The following GCNT2 variants were observed in gnomAD, a reference collection of about 807,000 sequenced individuals.
GCNT2 encodes the protein glucosaminyl (N-acetyl) transferase 2 (I blood group).
A neutral mutation model predicts 34.2 loss-of-function variants in GCNT2; 34 were observed. That is an observed-to-expected ratio of 1.00 (90% CI 0.76 to 1.32). GCNT2 has a LOEUF of 1.32. GCNT2 is among the 40% of genes most tolerant of loss of function. The pLI is 0.00. For missense variants in GCNT2, 584 were observed against 489.4 expected, an observed-to-expected ratio of 1.19 and a Z score of -1.82; for synonymous variants, 212 against 188.0, an observed-to-expected ratio of 1.13 and a Z score of -1.04.
chr6:10,589,425 T>C (rs2127417147), intron 3 of GCNT2, among the ~76,000 whole-genome samples: 1 of 151,986 alleles, frequency 6.6e-6, no homozygotes, highest in Admixed American at 6.6e-5. Flanking sequence ...GTGGTGTGGG[T>C]GTGTGCGTGT....
At chr6:10,586,307 C>CT (rs1764342005) in intron 3 of GCNT2, 1 of 1,614,062 alleles carries the variant, frequency 6.2e-7, no homozygotes, top group African/African-American at 1.3e-5. Flanking sequence ...TCCATAAGGA[C>CT]TTTGACACCT....
At chr6:10,525,547 G>T (rs1761143698) in intron 1 of GCNT2, among the ~76,000 whole-genome samples, 1 of 152,210 alleles carries the variant, frequency 6.6e-6, no homozygotes, top group South Asian at 2.1e-4. Context: ...GGGAAAGCTG[G>T]AGGGTCTGGA....
At chr6:10,559,719 A>AGAG (rs1333098721) in intron 3 of GCNT2, among the ~76,000 whole-genome samples, 1 of 152,218 alleles carries the variant, frequency 6.6e-6, no homozygotes, top group Admixed American at 6.5e-5. Context: ...AACTGCCTGG[A>AGAG]GAGGAAGGCC....
intron 3 of GCNT2, among the ~76,000 whole-genome samples, chr6:10,567,162 A>G (rs1763318189): frequency 6.6e-6 from 1 of 152,202 alleles, no homozygotes; most frequent in Admixed American, 6.5e-5. Context: ...CAACAAAAAA[A>G]TAATAAAATG....
At chr6:10,545,166 T>C (rs1196695018) in intron 3 of GCNT2, among the ~76,000 whole-genome samples, 1 of 151,986 alleles carries the variant, frequency 6.6e-6, no homozygotes. Flanking sequence ...CTCTTTCTAG[T>C]CTATATCCTT....
At chr6:10,575,418 A>G (rs1468178597) in intron 3 of GCNT2, among the ~76,000 whole-genome samples, 1 of 149,640 alleles carries the variant, frequency 6.7e-6, no homozygotes. Context: ...CTGGAGTGCA[A>G]TGGCGCGTTC....
intron 3 of GCNT2, among the ~76,000 whole-genome samples, chr6:10,587,156 A>T (rs149194835): frequency 6.6e-6 from 1 of 152,234 alleles, no homozygotes; most frequent in African/African-American, 2.4e-5. Context: ...ATAGTTGCTG[A>T]ATTTTAACTG....
In GCNT2 at chr6:10,562,678, CAAAAA is replaced by C. The variant is rs970544728; in HGVS notation, c.925+32847_925+32851del. 5.3e-3 allele frequency among the ~76,000 whole-genome samples: 562 copies of C among 105,054 alleles called. 3 individuals carry two copies. The highest frequency in any genetic ancestry group is 0.029 in the Middle Eastern group (5 of 174). 68.9% of individuals were successfully genotyped at this position (105,054 alleles called of 152,430 possible). A position where few individuals can be genotyped will look rare whatever the true frequency, so the allele number is the denominator to read the frequency against. ...TCTGAAAAAAAAAAAAAAAAAAAAA[CAAAAA>C]AAAACCCACAAAAACAAATTCCTAT... On this transcript the variant is annotated intron_variant, in intron 3 of 4. Transcript: ENST00000495262.
chr6:10,565,604 A>C (rs1763239956), intron 3 of GCNT2, among the ~76,000 whole-genome samples: 1 of 152,194 alleles, frequency 6.6e-6, no homozygotes, highest in African/African-American at 2.4e-5. Context: ...GTTTCTTTGC[A>C]GTCAGCTTCT....
At chr6:10,541,133 G>A (rs549164247) in intron 3 of GCNT2, among the ~76,000 whole-genome samples, 2 of 152,242 alleles carry the variant, frequency 1.3e-5, no homozygotes, top group Non-Finnish European at 2.9e-5. Context: ...TAAGCCCAGC[G>A]TCTCTATTAG....
At chr6:10,560,158 G>A (rs552043012) in intron 3 of GCNT2, among the ~76,000 whole-genome samples, 1 of 152,126 alleles carries the variant, frequency 6.6e-6, no homozygotes, top group African/African-American at 2.4e-5. Flanking sequence ...GTGCGATCTC[G>A]GCTTACTGCA....
At chr6:10,539,160 A>G (rs1407061355) in intron 3 of GCNT2, among the ~76,000 whole-genome samples, 1 of 139,222 alleles carries the variant, frequency 7.2e-6, no homozygotes, top group African/African-American at 2.7e-5. Flanking sequence ...TTTAAAGCCT[A>G]TCTCTACAGC....
chr6:10,556,501 T>C, intron 3 of GCNT2: 1 of 1,614,148 alleles, frequency 6.2e-7, no homozygotes. Context: ...CTGTGTTCAA[T>C]TTTGGGGGAG....
chr6:10,532,739 A>G (rs1463935810), intron 3 of GCNT2, among the ~76,000 whole-genome samples: 2 of 152,064 alleles, frequency 1.3e-5, no homozygotes, highest in African/African-American at 4.8e-5. Flanking sequence ...GAGCCACCAC[A>G]TCGGGCAAGC....
At chr6:10,612,523 A>G (rs2127436756) in intron 3 of GCNT2, among the ~76,000 whole-genome samples, 1 of 152,306 alleles carries the variant, frequency 6.6e-6, no homozygotes, top group Admixed American at 6.5e-5. Flanking sequence ...AGGTTGAGAA[A>G]ACTGCTTTAG....
intron 3 of GCNT2, among the ~76,000 whole-genome samples, chr6:10,573,894 T>C (rs1763669225): frequency 6.6e-6 from 1 of 152,188 alleles, no homozygotes; most frequent in Non-Finnish European, 1.5e-5. Flanking sequence ...TCGGGATATT[T>C]CAGGTGGCAG....
intron 3 of GCNT2, among the ~76,000 whole-genome samples, chr6:10,589,888 T>C (rs1764557153): frequency 6.6e-6 from 1 of 152,206 alleles, no homozygotes; most frequent in Non-Finnish European, 1.5e-5. Context: ...AATGTGTCTT[T>C]TATTTAAATA....
intron 3 of GCNT2, among the ~76,000 whole-genome samples, chr6:10,594,406 T>C (rs545421868): frequency 6.6e-6 from 1 of 152,320 alleles, no homozygotes; most frequent in South Asian, 2.1e-4. Context: ...GGTATGCAAA[T>C]AACTGATATT....
chr6:10,537,616 G>A (rs559251081), intron 3 of GCNT2, among the ~76,000 whole-genome samples: 3 of 143,424 alleles, frequency 2.1e-5, no homozygotes, highest in East Asian at 4.1e-4. Context: ...CAGGGGAATC[G>A]CTTAAACCCG....
Sources: gnomAD v4.1 joint callset for allele counts (sites outside exome capture counted in the v4.1 genomes callset) on GRCh38, gnomAD v4.1.1 for gene constraint, MANE v1.5 for transcripts, NCBI Gene and HGNC (gene_info 2026-07-23, HGNC 2026-07-21) for gene names.